The following MYO9A variants were observed in gnomAD, a reference collection of about 807,000 sequenced individuals.
MYO9A encodes myosin IXA.
A neutral mutation model predicts 293.3 loss-of-function variants in MYO9A; 103 were observed. That is an observed-to-expected ratio of 0.35 (90% CI 0.30 to 0.41). The LOEUF (loss-of-function observed/expected upper bound fraction) is 0.41, where lower values mean the gene tolerates loss of function less well. MYO9A is among the 10% of genes least tolerant of loss of function. The pLI is 1.00. For synonymous variants in MYO9A, 1,001 were observed against 1,035.7 expected (o/e 0.97, Z 0.64); for missense variants, 2,685 against 3,033.0 (o/e 0.89, Z 2.69).
At chr15:71,913,439 T>C (rs569502355) in intron 19 of MYO9A, among the ~76,000 whole-genome samples, 1 of 152,206 alleles carries the variant, frequency 6.6e-6, no homozygotes, top group Non-Finnish European at 1.5e-5. Flanking sequence ...TGTCATCACC[T>C]TCCAAAATAA....
chr15:71,925,757 C>T (rs549420532), intron 18 of MYO9A, among the ~76,000 whole-genome samples: 1 of 152,214 alleles, frequency 6.6e-6, no homozygotes, highest in Admixed American at 6.5e-5. Context: ...TAGCTATAGA[C>T]ATCACTTACC....
intron 11 of MYO9A, among the ~76,000 whole-genome samples, chr15:71,980,191 A>T: frequency 6.6e-6 from 1 of 152,218 alleles, no homozygotes; most frequent in East Asian, 1.9e-4. Flanking sequence ...GTCATTAAAA[A>T]TAACGTCTTA....
intron 1 of MYO9A, among the ~76,000 whole-genome samples, chr15:72,102,584 A>G (rs1259169945): frequency 6.6e-6 from 1 of 152,124 alleles, no homozygotes; most frequent in East Asian, 1.9e-4. Context: ...CAGAAATAAC[A>G]GATATATCAG....
At chr15:71,989,911 T>C (rs140810788) in intron 11 of MYO9A, among the ~76,000 whole-genome samples, 4 of 151,880 alleles carry the variant, frequency 2.6e-5, no homozygotes, top group Non-Finnish European at 5.9e-5. Context: ...GCACCTGTGG[T>C]CCCAGCTCTT....
At chr15:72,096,123 T>A (rs1301360706) in intron 1 of MYO9A, among the ~76,000 whole-genome samples, 1 of 136,266 alleles carries the variant, frequency 7.3e-6, no homozygotes, top group South Asian at 2.3e-4. Context: ...ATCACGCCAC[T>A]ATACTCTCCA....
At chr15:72,100,307 A>G (rs1021574776) in intron 1 of MYO9A, among the ~76,000 whole-genome samples, 4 of 152,216 alleles carry the variant, frequency 2.6e-5, no homozygotes, top group Admixed American at 2.6e-4. Flanking sequence ...ACTCTGAGCT[A>G]TAACAGATGT....
rs147119715 is a variant in MYO9A, at chr15:71,827,018, C to T, written c.7209G>A (p.Leu2403=). The change falls in exon 42 of 42, where the codon CTG becomes CTA. Residue 2403 remains leucine, a synonymous_variant. Transcript: ENST00000356056. ...AAGGTTCAGACTTGCCAGCTGTCTT[C>T]AGGGAGCTAAGGGCTAAGCTTCTTT... is the stretch of plus-strand genomic sequence containing the variant. The part of the protein sequence containing the change: ...KSERSLALSS[L]KTAGKSEPSS... 6 of 1,600,780 alleles carry T rather than the reference C, an allele frequency of 3.7e-6. No homozygotes were observed. In the East Asian group the frequency reaches 1.1e-4, roughly 30 times the overall value.
At chr15:72,086,002 T>A (rs1182110878) in intron 1 of MYO9A, among the ~76,000 whole-genome samples, 4 of 152,162 alleles carry the variant, frequency 2.6e-5, no homozygotes, top group Non-Finnish European at 5.9e-5. Context: ...AGGAACCCAC[T>A]GCACTGGGGG....
At chr15:72,089,718 C>CT (rs2079847696) in intron 1 of MYO9A, among the ~76,000 whole-genome samples, 1 of 152,118 alleles carries the variant, frequency 6.6e-6, no homozygotes, top group Non-Finnish European at 1.5e-5. Context: ...AAAGTAAAGG[C>CT]TACAGTGAGC....
chr15:71,874,964 C>G (rs2142226322), intron 32 of MYO9A, among the ~76,000 whole-genome samples: 1 of 152,264 alleles, frequency 6.6e-6, no homozygotes, highest in Non-Finnish European at 1.5e-5. Context: ...CTTTCTGTAT[C>G]CAACAGCACT....
At chr15:72,039,947 T>A in intron 2 of MYO9A, 1 of 189,400 alleles carries the variant, frequency 5.3e-6, no homozygotes, top group Non-Finnish European at 1.0e-5. Context: ...TCCTGGGAGA[T>A]GCACAGCTAA....
rs190233130 is a variant in MYO9A, at chr15:72,021,564, T to C, written c.999-547A>G. 5.9e-5 allele frequency among the ~76,000 whole-genome samples: 9 copies of C among 152,286 alleles called. No homozygotes were observed. In the South Asian group the frequency reaches 1.4e-3, roughly 25 times the overall value. On this transcript the variant is annotated intron_variant, in intron 4 of 41. Coordinates refer to ENST00000356056, the MANE Select transcript of MYO9A (RefSeq NM_006901.4). ...TTATTTGAACTGTCTGGTGGTTCTCTGTGAACAGCCATATTCAAGGCTGAC... is the reference window on the plus strand; with the variant it reads ...TTATTTGAACTGTCTGGTGGTTCTCCGTGAACAGCCATATTCAAGGCTGAC...
rs772155813 is a variant in MYO9A, at chr15:72,117,594, G to A, written c.-72+86C>T. 2.0e-3 allele frequency: 766 copies of A among 388,362 alleles called. 3 individuals carry two copies. Among genetic ancestry groups the A allele is most frequent in the Non-Finnish European group, 2.6e-3 (578 of 219,966 alleles). 24.1% of individuals were successfully genotyped at this position (388,362 alleles called of 1,614,324 possible). On this transcript the variant is annotated intron_variant, in intron 1 of 41. Transcript: ENST00000356056. ...GGGGCGTCTCCGCTGGGACGGGGCG[G>A]GGCGGCCCGACCGGAGCCAAATAGC...
chr15:72,066,769 T>C (rs2079034732), intron 1 of MYO9A, among the ~76,000 whole-genome samples: 1 of 151,606 alleles, frequency 6.6e-6, no homozygotes, highest in Non-Finnish European at 1.5e-5. Context: ...TGCACTTTAT[T>C]GTATGTTACA....
intron 16 of MYO9A, among the ~76,000 whole-genome samples, chr15:71,936,877 T>C (rs532147019): frequency 6.6e-6 from 1 of 151,322 alleles, no homozygotes; most frequent in Non-Finnish European, 1.5e-5. Context: ...GCACTTAAGA[T>C]GGTTTGTGTG....
intron 11 of MYO9A, among the ~76,000 whole-genome samples, chr15:71,983,470 CTTTTTTTTTTT>C (rs1170508506): frequency 1.4e-5 from 1 of 72,904 alleles, no homozygotes; most frequent in African/African-American, 5.6e-5. Context: ...TTTTTTATTT[CTTTTTTTTTTT>C]TTTTTTTTTT....
At chr15:72,084,941 G>A (rs2079668540) in intron 1 of MYO9A, among the ~76,000 whole-genome samples, 1 of 152,126 alleles carries the variant, frequency 6.6e-6, no homozygotes, top group South Asian at 2.1e-4. Flanking sequence ...TGAGTCGGGT[G>A]TCATAGATTT....
At chr15:72,086,681 G>C (rs1001110450) in intron 1 of MYO9A, among the ~76,000 whole-genome samples, 1 of 152,176 alleles carries the variant, frequency 6.6e-6, no homozygotes, top group Admixed American at 6.5e-5. Context: ...GGGAGGGGTT[G>C]GGGTGTAAGC....
chr15:72,059,177 G>C (rs1200665659), intron 1 of MYO9A, among the ~76,000 whole-genome samples: 2 of 152,204 alleles, frequency 1.3e-5, no homozygotes, highest in South Asian at 4.1e-4. Context: ...CAGTAGTACA[G>C]GTTGGAATCA....
Sources: allele counts gnomAD v4.1 joint callset (sites outside exome capture counted in the v4.1 genomes callset), GRCh38; gene constraint gnomAD v4.1.1; transcripts MANE v1.5; gene names NCBI Gene and HGNC (gene_info 2026-07-23, HGNC 2026-07-21).